Variants in TXLNB observed in about 807,000 individuals in gnomAD.
The protein encoded by TXLNB is taxilin beta.
In TXLNB, 37 loss-of-function variants were observed where a neutral mutation model predicts 57.4. That is an observed-to-expected ratio of 0.64 (90% CI 0.50 to 0.85). The LOEUF is 0.85. Ranked by LOEUF, TXLNB falls within the 40% of genes least tolerant of loss-of-function variation. The pLI is 0.00. For missense variants in TXLNB, 848 were observed against 825.6 expected, an observed-to-expected ratio of 1.03 and a Z score of -0.33; for synonymous variants, 302 against 309.6, an observed-to-expected ratio of 0.98 and a Z score of 0.26.
At chr6:139,264,324 A>G (rs1776558754) in intron 4 of TXLNB, among the ~76,000 whole-genome samples, 1 of 152,194 alleles carries the variant, frequency 6.6e-6, no homozygotes, top group South Asian at 2.1e-4. Context: ...TTGGAATCAG[A>G]ACTACAGACC....
At chr6:139,303,496 T>C in the TXLNB span, among the ~76,000 whole-genome samples, 26 of 152,282 alleles carry the variant, frequency 1.7e-4, no homozygotes, top group Non-Finnish European at 3.7e-4. Context: ...GAATGCATTT[T>C]CTTTCTGGAA....
chr6:139,273,723 G>A (rs1030375623), intron 3 of TXLNB, among the ~76,000 whole-genome samples: 1 of 152,222 alleles, frequency 6.6e-6, no homozygotes, highest in Non-Finnish European at 1.5e-5. Flanking sequence ...CTCCCAGAGT[G>A]CTGGGATTAC....
the TXLNB span, among the ~76,000 whole-genome samples, chr6:139,170,941 GA>G: frequency 4.6e-5 from 7 of 152,044 alleles, no homozygotes; most frequent in African/African-American, 7.2e-5. Flanking sequence ...TTATTTTAAA[GA>G]AAAATTACAG....
the TXLNB span, among the ~76,000 whole-genome samples, chr6:139,302,143 G>A: frequency 0.29 from 43,615 of 151,886 alleles, 6,565 homozygotes; most frequent in Middle Eastern, 0.41. Flanking sequence ...TAAGATGGTA[G>A]CATACATGTA....
intron 1 of TXLNB, among the ~76,000 whole-genome samples, chr6:139,289,336 G>A (rs1253874982): frequency 1.4e-4 from 12 of 88,358 alleles, no homozygotes; most frequent in South Asian, 8.4e-4. Flanking sequence ...CGTACCCCCT[G>A]CTTGCTCAAT....
chr6:139,280,251 T>TAAAAA (rs11313271), intron 2 of TXLNB, among the ~76,000 whole-genome samples: 3 of 78,236 alleles, frequency 3.8e-5, no homozygotes, highest in African/African-American at 8.8e-5. Context: ...ACTCTCTCTC[T>TAAAAA]AAAAAAAAAA....
the TXLNB span, chr6:139,166,721 C>CACGA: frequency 6.2e-7 from 1 of 1,611,488 alleles, no homozygotes. Context: ...AGGCCCAAGC[C>CACGA]ACGACCTCCC....
the TXLNB span, chr6:139,166,566 T>G: frequency 6.2e-7 from 1 of 1,614,208 alleles, no homozygotes; most frequent in Non-Finnish European, 8.5e-7. Flanking sequence ...CAGGGCCACT[T>G]GAAGAAGGAC....
intron 5 of TXLNB, among the ~76,000 whole-genome samples, chr6:139,261,355 G>T (rs994094275): frequency 6.6e-6 from 1 of 152,050 alleles, no homozygotes; most frequent in Non-Finnish European, 1.5e-5. Flanking sequence ...TGGCATTTTG[G>T]CTTACTATTA....
At chr6:139,193,865 G>A in the TXLNB span, among the ~76,000 whole-genome samples, 1,381 of 115,326 alleles carry the variant, frequency 0.012, 20 homozygotes, top group African/African-American at 0.041. Context: ...TTTTTGAGAC[G>A]GAGTCTCGCT....
At chr6:139,323,708 C>T in the TXLNB span, among the ~76,000 whole-genome samples, 9 of 152,228 alleles carry the variant, frequency 5.9e-5, no homozygotes, top group African/African-American at 2.2e-4. Context: ...GCTGCATTGT[C>T]TTCTCTAGGC....
chr6:139,166,372 C>G, the TXLNB span: 17 of 1,614,158 alleles, frequency 1.1e-5, no homozygotes, highest in Non-Finnish European at 1.4e-5. Flanking sequence ...TGTGCAACAA[C>G]GAGCACTGCC....
chr6:139,274,463 C>T (rs955919073), intron 3 of TXLNB, among the ~76,000 whole-genome samples: 6 of 152,152 alleles, frequency 3.9e-5, no homozygotes, highest in African/African-American at 1.4e-4. Context: ...TTAATCTTCT[C>T]CTATTCATTT....
the TXLNB span, among the ~76,000 whole-genome samples, chr6:139,191,946 C>T: frequency 1.3e-5 from 2 of 152,162 alleles, no homozygotes; most frequent in African/African-American, 2.4e-5. Context: ...CTCAATTTAT[C>T]CTCTTCTGTG....
chr6:139,319,667 G>A, the TXLNB span, among the ~76,000 whole-genome samples: 6 of 152,178 alleles, frequency 3.9e-5, no homozygotes, highest in Admixed American at 3.9e-4. Flanking sequence ...GGGAGGCTGA[G>A]GCAGGAGGAT....
intron 7 of TXLNB, among the ~76,000 whole-genome samples, chr6:139,250,847 G>A (rs1374263065): frequency 6.6e-6 from 1 of 152,128 alleles, no homozygotes; most frequent in Non-Finnish European, 1.5e-5. Context: ...CTCAACATGA[G>A]CTAACAGGCA....
chr6:139,255,492 A>C, intron 7 of TXLNB, 72 bp downstream of exon 7: 1 of 1,327,330 alleles, frequency 7.5e-7, no homozygotes, highest in Non-Finnish European at 1.1e-6. Flanking sequence ...TCTGCTGCCC[A>C]CCTTTGGCCC....
intron 6 of TXLNB, among the ~76,000 whole-genome samples, chr6:139,259,392 C>T (rs139096991): frequency 1.8e-4 from 28 of 152,342 alleles, no homozygotes; most frequent in African/African-American, 6.7e-4. Context: ...GAACCTCTCC[C>T]CCATGCTCTT....
the TXLNB span, among the ~76,000 whole-genome samples, chr6:139,226,331 A>T: frequency 1.2e-5 from 1 of 85,050 alleles, no homozygotes; most frequent in Non-Finnish European, 2.7e-5. Context: ...AAAAAAAGAG[A>T]TAGAGAGAGA....
Sources: gnomAD v4.1 joint callset for allele counts (sites outside exome capture counted in the v4.1 genomes callset) on GRCh38, gnomAD v4.1.1 for gene constraint, MANE v1.5 for transcripts, NCBI Gene and HGNC (gene_info 2026-07-23, HGNC 2026-07-21) for gene names.